The following SCOC variants were observed in gnomAD, a reference collection of about 807,000 sequenced individuals.
SCOC encodes short coiled coil protein.
Under a neutral mutation model 9.9 loss-of-function variants are expected in SCOC, and 7 were observed. That is an observed-to-expected ratio of 0.71 (90% confidence interval 0.40 to 1.33). The LOEUF is 1.33. Among genes scored for constraint, SCOC ranks in the 40% most tolerant of loss-of-function variants. The pLI is 0.01. For missense variants in SCOC, 66 were observed against 89.7 expected (o/e 0.74, Z 1.07); for synonymous variants, 19 against 28.2 (o/e 0.67, Z 1.03).
intron 1 of SCOC, among the ~76,000 whole-genome samples, chr4:140,298,212 G>A (rs1423404784): frequency 6.6e-6 from 1 of 152,146 alleles, no homozygotes; most frequent in Non-Finnish European, 1.5e-5. Context: ...GTCGTCCCTG[G>A]TTCCTGACCA....
At chr4:140,287,298 CAT>C (rs59209508) in intron 1 of SCOC, among the ~76,000 whole-genome samples, 29,035 of 149,884 alleles carry the variant, frequency 0.19, 5,601 homozygotes, top group African/African-American at 0.51. Flanking sequence ...ACCATGCACA[CAT>C]AGATACCATA....
intron 1 of SCOC, among the ~76,000 whole-genome samples, chr4:140,302,075 T>C (rs565579974): frequency 6.6e-6 from 1 of 152,302 alleles, no homozygotes; most frequent in Non-Finnish European, 1.5e-5. Flanking sequence ...CTCAAGTGAT[T>C]GGCCTCCCTG....
At chr4:140,292,229 C>G (rs562038272) in intron 1 of SCOC, among the ~76,000 whole-genome samples, 4 of 150,600 alleles carry the variant, frequency 2.7e-5, no homozygotes. Context: ...TTCTCTGTCA[C>G]CCAGGCTGGA....
intron 1 of SCOC, among the ~76,000 whole-genome samples, chr4:140,375,516 A>G (rs1303358236): frequency 1.3e-5 from 2 of 151,880 alleles, no homozygotes; most frequent in Non-Finnish European, 2.9e-5. Context: ...TCATTGTGCC[A>G]GGCTGCCTCT....
At chr4:140,370,876 T>C (rs1484496946), upstream of SCOC, among the ~76,000 whole-genome samples, 1 of 151,680 alleles carries the variant, frequency 6.6e-6, no homozygotes, top group Non-Finnish European at 1.5e-5. Context: ...GTCTTTTTCT[T>C]ACTGATTTGT....
intron 1 of SCOC, among the ~76,000 whole-genome samples, chr4:140,296,206 A>G (rs950571424): frequency 1.3e-5 from 2 of 152,148 alleles, no homozygotes; most frequent in Non-Finnish European, 2.9e-5. Context: ...AGGGGTCTTC[A>G]CAGCCCCCAC....
chr4:140,345,223 C>T (rs1325980860), intron 2 of SCOC, among the ~76,000 whole-genome samples: 2 of 150,822 alleles, frequency 1.3e-5, no homozygotes, highest in Non-Finnish European at 3.0e-5. Flanking sequence ...GTGAGAGTGC[C>T]GGCAACCACA....
At chr4:140,288,860 T>A (rs1219426273) in intron 1 of SCOC, among the ~76,000 whole-genome samples, 1 of 151,760 alleles carries the variant, frequency 6.6e-6, no homozygotes, top group African/African-American at 2.4e-5. Flanking sequence ...ATACCCCTCA[T>A]ACAAAACACA....
intron 1 of SCOC, among the ~76,000 whole-genome samples, chr4:140,333,171 C>T: frequency 6.6e-6 from 1 of 152,140 alleles, no homozygotes; most frequent in Admixed American, 6.6e-5. Context: ...CGGGCTGGCT[C>T]CTTCAACTCC....
intron 1 of SCOC, among the ~76,000 whole-genome samples, chr4:140,306,179 C>T (rs1049481534): frequency 2.6e-5 from 4 of 152,068 alleles, no homozygotes; most frequent in Admixed American, 1.3e-4. Flanking sequence ...ATCATAGTCA[C>T]GTCTTTCATG....
intron 2 of SCOC, among the ~76,000 whole-genome samples, chr4:140,358,469 T>C (rs974938812): frequency 1.3e-5 from 2 of 152,312 alleles, no homozygotes; most frequent in East Asian, 1.9e-4. Flanking sequence ...TGTGGTAACA[T>C]TGGGCAAATT....
intron 1 of SCOC, among the ~76,000 whole-genome samples, chr4:140,328,021 C>T (rs1483185768): frequency 6.6e-6 from 1 of 152,220 alleles, no homozygotes; most frequent in African/African-American, 2.4e-5. Context: ...GGCAGCCACA[C>T]TCACCAGCCA....
intron 1 of SCOC, among the ~76,000 whole-genome samples, chr4:140,272,697 A>G (rs1203968424): frequency 6.6e-6 from 1 of 152,194 alleles, no homozygotes; most frequent in Non-Finnish European, 1.5e-5. Context: ...GGGGAGGGGA[A>G]GAAATTAAGT....
At chr4:140,332,666 C>T (rs181027727) in intron 1 of SCOC, among the ~76,000 whole-genome samples, 8 of 152,134 alleles carry the variant, frequency 5.3e-5, no homozygotes, top group South Asian at 4.1e-4. Flanking sequence ...CATAAGCCAC[C>T]GCGCCCGGCC....
chr4:140,374,242 T>C (rs1728224656), intron 1 of SCOC: 1 of 449,434 alleles, frequency 2.2e-6, no homozygotes, highest in Non-Finnish European at 4.5e-6. Context: ...CTGATCGTCT[T>C]CTCCCCCAGA....
chr4:140,331,810 G>T (rs1732822117), intron 1 of SCOC, among the ~76,000 whole-genome samples: 1 of 152,076 alleles, frequency 6.6e-6, no homozygotes, highest in South Asian at 2.1e-4. Context: ...TTTCCATTTG[G>T]ATTTTGTATT....
upstream of SCOC, among the ~76,000 whole-genome samples, chr4:140,339,673 T>G (rs936903140): frequency 1.3e-5 from 2 of 152,130 alleles, no homozygotes; most frequent in Non-Finnish European, 2.9e-5. Flanking sequence ...AAGAAGACAT[T>G]TATGCAGCCA....
At chr4:140,264,386 G>C (rs146439871) in intron 1 of SCOC, among the ~76,000 whole-genome samples, 37 of 152,132 alleles carry the variant, frequency 2.4e-4, no homozygotes, top group Non-Finnish European at 4.6e-4. Context: ...ACCTTAGGAA[G>C]TTACTTTACC....
chr4:140,380,842 T>A, intron 3 of SCOC, 120 bp from the exon 4 acceptor site: 1 of 734,894 alleles, frequency 1.4e-6, no homozygotes, highest in Non-Finnish European at 2.0e-6. Flanking sequence ...GTCTCTAAAA[T>A]CCGAATTCTT....
Sources: gnomAD v4.1 joint callset for allele counts (sites outside exome capture counted in the v4.1 genomes callset) on GRCh38, gnomAD v4.1.1 for gene constraint, MANE v1.5 for transcripts, NCBI Gene and HGNC (gene_info 2026-07-23, HGNC 2026-07-21) for gene names.